The following CADM2 variants were observed in gnomAD, a reference collection of about 807,000 sequenced individuals.
CADM2 encodes the protein immunoglobulin superfamily member 4D.
Under a neutral mutation model 49.8 loss-of-function variants are expected in CADM2, and 12 were observed. The observed-to-expected ratio is 0.24, with a 90% CI of 0.15 to 0.39. The LOEUF is 0.39. Ranked by LOEUF, CADM2 falls within the 10% of genes least tolerant of loss-of-function variation. The pLI is 1.00. For synonymous variants in CADM2, 214 were observed against 175.4 expected, an observed-to-expected ratio of 1.22 and a Z score of -1.74; for missense variants, 378 against 492.3, an observed-to-expected ratio of 0.77 and a Z score of 2.20.
chr3:85,504,939 CG>C (rs1415364347), intron 1 of CADM2, among the ~76,000 whole-genome samples: 2 of 152,112 alleles, frequency 1.3e-5, no homozygotes, highest in Non-Finnish European at 2.9e-5. Flanking sequence ...CCTCATTGCC[CG>C]GGGCCGGCAG....
At chr3:85,768,277 T>C (rs2069769943) in intron 2 of CADM2, among the ~76,000 whole-genome samples, 1 of 151,774 alleles carries the variant, frequency 6.6e-6, no homozygotes, top group African/African-American at 2.4e-5. Context: ...TGAAACCCCA[T>C]CTCTACTAAA....
intron 1 of CADM2, among the ~76,000 whole-genome samples, chr3:85,132,891 G>C (rs1436346828): frequency 6.6e-6 from 1 of 152,132 alleles, no homozygotes; most frequent in African/African-American, 2.4e-5. Flanking sequence ...ATGAAGCCGC[G>C]GACCCTGGCG....
chr3:85,164,016 A>G (rs746536064), intron 1 of CADM2, among the ~76,000 whole-genome samples: 5 of 152,070 alleles, frequency 3.3e-5, no homozygotes, highest in Non-Finnish European at 5.9e-5. Flanking sequence ...CAGAATAGAA[A>G]TGACTTTATA....
At chr3:85,848,222 A>T (rs1384615888) in intron 3 of CADM2, among the ~76,000 whole-genome samples, 1 of 152,124 alleles carries the variant, frequency 6.6e-6, no homozygotes, top group Non-Finnish European at 1.5e-5. Context: ...ATTACAACTT[A>T]AAAAATGTAT....
chr3:85,911,919 T>A (rs1051797224), intron 5 of CADM2, among the ~76,000 whole-genome samples: 1 of 147,896 alleles, frequency 6.8e-6, no homozygotes, highest in African/African-American at 2.5e-5. Context: ...TAGAATTTTT[T>A]AATTTTTTTT....
chr3:86,043,608 T>A (rs1168191543), intron 8 of CADM2, among the ~76,000 whole-genome samples: 1 of 152,182 alleles, frequency 6.6e-6, no homozygotes. Context: ...GTAGGAAGAA[T>A]CAATATCGTG....
At chr3:85,241,305 G>T (rs2107835951) in intron 1 of CADM2, among the ~76,000 whole-genome samples, 1 of 151,628 alleles carries the variant, frequency 6.6e-6, no homozygotes, top group East Asian at 1.9e-4. Flanking sequence ...ATTCATTGTA[G>T]AGAAAATATA....
At chr3:85,679,316 A>G (rs1297705355) in intron 1 of CADM2, among the ~76,000 whole-genome samples, 1 of 152,094 alleles carries the variant, frequency 6.6e-6, no homozygotes, top group East Asian at 1.9e-4. Context: ...GGGGGAAAAA[A>G]CATCACACAT....
intron 5 of CADM2, among the ~76,000 whole-genome samples, chr3:85,911,948 A>T (rs1054265075): frequency 5.4e-5 from 8 of 149,120 alleles, no homozygotes; most frequent in South Asian, 2.1e-4. Flanking sequence ...TTTATTTATT[A>T]ATTTTTTTTT....
intron 1 of CADM2, among the ~76,000 whole-genome samples, chr3:85,075,344 G>A (rs2107484747): frequency 6.6e-6 from 1 of 151,878 alleles, no homozygotes; most frequent in East Asian, 1.9e-4. Context: ...AAATAGTTGA[G>A]GTCTGTATGA....
chr3:85,209,154 A>G (rs1559721503), intron 1 of CADM2, among the ~76,000 whole-genome samples: 1 of 152,140 alleles, frequency 6.6e-6, no homozygotes, highest in Non-Finnish European at 1.5e-5. Flanking sequence ...AAACTGAGTT[A>G]AATATTAGGG....
intron 1 of CADM2, among the ~76,000 whole-genome samples, chr3:85,676,374 A>C (rs1202645993): frequency 6.6e-6 from 1 of 152,138 alleles, no homozygotes; most frequent in Non-Finnish European, 1.5e-5. Flanking sequence ...TTATTCATGA[A>C]ATTTTTGATA....
chr3:85,833,346 A>G (rs906113796), intron 3 of CADM2, among the ~76,000 whole-genome samples: 5 of 151,728 alleles, frequency 3.3e-5, no homozygotes, highest in Non-Finnish European at 7.4e-5. Context: ...TGCTGGCTTC[A>G]TAGAATGAGT....
At chr3:86,015,713 T>C (rs1213757053) in intron 8 of CADM2, among the ~76,000 whole-genome samples, 1 of 152,194 alleles carries the variant, frequency 6.6e-6, no homozygotes, top group East Asian at 1.9e-4. Flanking sequence ...CTACATCTCA[T>C]TGTTGCTGTT....
intron 1 of CADM2, among the ~76,000 whole-genome samples, chr3:84,984,356 T>TAAAAAAAAAAAAAAAAAAAAAA (rs375702349): frequency 3.0e-5 from 2 of 67,090 alleles, no homozygotes; most frequent in African/African-American, 1.5e-4. Context: ...AAGATTAAGC[T>TAAAAAAAAAAAAAAAAAAAAAA]AAAAAAAAAA....
rs570707780 is a variant in CADM2, at chr3:85,228,244, G to A, written c.61+268576G>A. On this transcript the variant is annotated intron_variant, in intron 1 of 9. Transcript: ENST00000383699. ...TTTCCAAGTTGGTGCCATTCTCCCC[G>A]TCACTTTCAGGTACACCAATCAAAT... 1.8e-3 allele frequency among the ~76,000 whole-genome samples: 270 copies of A among 152,060 alleles called. 1 individual carries two copies. Among genetic ancestry groups the A allele is most frequent in the African/African-American group, 6.0e-3 (249 of 41,502 alleles).
intron 1 of CADM2, among the ~76,000 whole-genome samples, chr3:85,589,951 G>T (rs149131095): frequency 1.3e-5 from 2 of 151,902 alleles, no homozygotes; most frequent in African/African-American, 4.8e-5. Flanking sequence ...AGAAATAGTG[G>T]TATTTCTATG....
rs549542359 is a variant in CADM2, at chr3:85,296,481, A to G, written c.61+336813A>G. On this transcript the variant is annotated intron_variant, in intron 1 of 9. Coordinates refer to ENST00000383699, the MANE Select transcript of CADM2 (RefSeq NM_001167675.2). ...TGCTGTCCCTATATTGATATTCTGT[A>G]CTTGTATAGTAACATGTTTTATAGT... Among the ~76,000 whole-genome samples the G allele has an allele frequency of 2.0e-5, 3 of 152,118 alleles. No homozygotes were observed. In the South Asian group the frequency reaches 6.2e-4, roughly 32 times the overall value.
intron 1 of CADM2, among the ~76,000 whole-genome samples, chr3:85,441,634 T>C (rs2107544288): frequency 6.6e-6 from 1 of 152,236 alleles, no homozygotes; most frequent in South Asian, 2.1e-4. Flanking sequence ...ATGACAGTAT[T>C]GCCTAAGTTC....
Sources: gnomAD v4.1 joint callset for allele counts (sites outside exome capture counted in the v4.1 genomes callset) on GRCh38, gnomAD v4.1.1 for gene constraint, MANE v1.5 for transcripts, NCBI Gene and HGNC (gene_info 2026-07-23, HGNC 2026-07-21) for gene names.